The following ZNF782 variants were observed in gnomAD, a reference collection of about 807,000 sequenced individuals.
ZNF782 encodes the protein zinc finger protein 782.
Under a neutral mutation model 13.0 loss-of-function variants are expected in ZNF782, and 12 were observed. That is an observed-to-expected ratio of 0.92 (90% CI 0.59 to 1.50). The LOEUF (loss-of-function observed/expected upper bound fraction) is 1.50. ZNF782 is among the 40% of genes most tolerant of loss of function. ZNF782 has a pLI of 0.00. For synonymous variants in ZNF782, 284 were observed against 283.0 expected (o/e 1.00, Z -0.04); for missense variants, 770 against 822.9 (o/e 0.94, Z 0.79).
chr9:96,868,395 G>A (rs1202701147), intron 1 of ZNF782, among the ~76,000 whole-genome samples: 5 of 152,160 alleles, frequency 3.3e-5, no homozygotes, highest in African/African-American at 9.7e-5. Flanking sequence ...GTAAATGAAG[G>A]CATTTCTGCA....
intron 4 of ZNF782, among the ~76,000 whole-genome samples, chr9:96,841,930 T>C (rs1304762096): frequency 6.6e-6 from 1 of 151,892 alleles, no homozygotes. Context: ...CCTATACATA[T>C]ATGACATGAT....
At chr9:96,857,182 A>G (rs1851654044), upstream of ZNF782, among the ~76,000 whole-genome samples, 1 of 152,184 alleles carries the variant, frequency 6.6e-6, no homozygotes, top group Non-Finnish European at 1.5e-5. Flanking sequence ...GCACTTGAGG[A>G]TTTACTGAAT....
upstream of ZNF782, among the ~76,000 whole-genome samples, chr9:96,854,734 C>T (rs953020834): frequency 2.0e-5 from 3 of 152,144 alleles, no homozygotes; most frequent in Non-Finnish European, 4.4e-5. Flanking sequence ...AACTTAAACG[C>T]TACTGACAAA....
the ZNF782 span, among the ~76,000 whole-genome samples, chr9:96,916,265 C>T: frequency 6.6e-6 from 1 of 151,852 alleles, no homozygotes; most frequent in Admixed American, 6.6e-5. Flanking sequence ...CTAAGGCGGG[C>T]GGATCACTTG....
At chr9:96,883,045 A>G in the ZNF782 span, among the ~76,000 whole-genome samples, 1 of 152,246 alleles carries the variant, frequency 6.6e-6, no homozygotes, top group Non-Finnish European at 1.5e-5. Flanking sequence ...ATGAAAAGAC[A>G]GAATTCTGCA....
chr9:96,873,745 T>C (rs921806884), intron 1 of ZNF782, among the ~76,000 whole-genome samples: 1 of 152,186 alleles, frequency 6.6e-6, no homozygotes, highest in African/African-American at 2.4e-5. Flanking sequence ...ACCACTAACA[T>C]TGCTCTCCCC....
chr9:96,851,602 T>A (rs78091758), intron 3 of ZNF782, among the ~76,000 whole-genome samples: 2,627 of 152,286 alleles, frequency 0.017, 64 homozygotes, highest in African/African-American at 0.059. Flanking sequence ...CTACACTCAT[T>A]AGCAACTAGG....
chr9:96,895,754 C>T, the ZNF782 span: 1 of 150,094 alleles, frequency 6.7e-6, no homozygotes, highest in African/African-American at 2.5e-5. Context: ...TAGTTTAGGT[C>T]TGTCTTGCAG....
chr9:96,821,093 T>C (rs950891531), intron 5 of ZNF782, among the ~76,000 whole-genome samples: 1 of 152,262 alleles, frequency 6.6e-6, no homozygotes, highest in African/African-American at 2.4e-5. Flanking sequence ...ATTTGACTGC[T>C]ATTGCCCTAC....
chr9:96,824,534 A>G lies in ZNF782; in HGVS notation c.244+2546T>C, dbSNP rs1352350998. On this transcript the variant is annotated intron_variant, in intron 5 of 5. Transcript: ENST00000481138. The stretch of plus-strand genomic sequence containing the variant: ...CTCTCTCACCACTCCTATTCAACAT[A>G]GTGTTGGAAGTTCTGGCCAGGGCAA... Among the ~76,000 whole-genome samples the G allele has an allele frequency of 3.5e-4, 53 of 151,712 alleles. No homozygotes were observed. The East Asian group carries it at 6.0e-3, about 17-fold the overall frequency.
the ZNF782 span, among the ~76,000 whole-genome samples, chr9:96,911,530 T>TG: frequency 4.7e-5 from 7 of 147,982 alleles, no homozygotes; most frequent in African/African-American, 7.4e-5. Flanking sequence ...TGTTTTGTTT[T>TG]TTTTTTTTGA....
At chr9:96,912,198 GAAAA>G in the ZNF782 span, among the ~76,000 whole-genome samples, 34 of 56,752 alleles carry the variant, frequency 6.0e-4, no homozygotes, top group East Asian at 0.011. Context: ...ACTCCGTCTC[GAAAA>G]AAAAAAAAAA....
At chr9:96,824,975 A>G (rs1451136716) in intron 5 of ZNF782, among the ~76,000 whole-genome samples, 1 of 152,018 alleles carries the variant, frequency 6.6e-6, no homozygotes, top group Non-Finnish European at 1.5e-5. Flanking sequence ...AAATGGCCAT[A>G]CTGCCCAAGG....
intron 3 of ZNF782, among the ~76,000 whole-genome samples, chr9:96,847,534 C>T (rs757422066): frequency 1.1e-4 from 16 of 152,092 alleles, no homozygotes; most frequent in Admixed American, 2.0e-4. Context: ...CTACTATGAA[C>T]GCCTTCATGT....
the ZNF782 span, among the ~76,000 whole-genome samples, chr9:96,883,669 CAT>C: frequency 6.6e-6 from 1 of 152,182 alleles, no homozygotes; most frequent in Non-Finnish European, 1.5e-5. Context: ...GAAACCTTCA[CAT>C]CTCTTTCTGA....
chr9:96,859,927 A>G (rs935337006), intron 3 of ZNF782, among the ~76,000 whole-genome samples: 2 of 152,132 alleles, frequency 1.3e-5, no homozygotes, highest in African/African-American at 4.8e-5. Context: ...GACAGCATTC[A>G]CCACAAGCTG....
At chr9:96,932,518 G>A in the ZNF782 span, 24 of 1,244,680 alleles carry the variant, frequency 1.9e-5, no homozygotes, top group East Asian at 1.4e-4. Context: ...CTTGCAGGGC[G>A]GTTGTGAGGG....
intron 4 of ZNF782, among the ~76,000 whole-genome samples, chr9:96,843,950 A>G (rs1851265274): frequency 6.6e-6 from 1 of 152,220 alleles, no homozygotes; most frequent in Non-Finnish European, 1.5e-5. Flanking sequence ...AACGAAACAA[A>G]AATGAGCTAA....
the ZNF782 span, among the ~76,000 whole-genome samples, chr9:96,900,214 G>GT: frequency 6.7e-6 from 1 of 150,308 alleles, no homozygotes; most frequent in Non-Finnish European, 1.5e-5. Flanking sequence ...CCCCAGGGTG[G>GT]TGGCACCTGC....
Sources: gnomAD v4.1 joint callset for allele counts (sites outside exome capture counted in the v4.1 genomes callset) on GRCh38, gnomAD v4.1.1 for gene constraint, MANE v1.5 for transcripts, NCBI Gene and HGNC (gene_info 2026-07-23, HGNC 2026-07-21) for gene names.